The following NMNAT2 variants were observed in gnomAD, a reference collection of about 807,000 sequenced individuals.
The protein encoded by NMNAT2 is nicotinamide/nicotinic acid mononucleotide adenylyltransferase 2.
Under a neutral mutation model 41.6 loss-of-function variants are expected in NMNAT2, and 11 were observed. That is an observed-to-expected ratio of 0.26 (90% CI 0.17 to 0.44). The LOEUF is 0.44. NMNAT2 is among the 20% of genes least tolerant of loss of function. NMNAT2 has a pLI of 1.00. For missense variants in NMNAT2, 288 were observed against 407.7 expected, an observed-to-expected ratio of 0.71 and a Z score of 2.53; for synonymous variants, 148 against 151.2, an observed-to-expected ratio of 0.98 and a Z score of 0.16.
intron 4 of NMNAT2, among the ~76,000 whole-genome samples, chr1:183,288,641 T>C (rs965554184): frequency 2.0e-5 from 3 of 152,222 alleles, no homozygotes; most frequent in African/African-American, 7.2e-5. Context: ...CCCTTTCCTC[T>C]CTTCTGTCAT....
chr1:183,252,514 T>G lies in NMNAT2; in HGVS notation c.*127A>C. ...GGTTCTCTGCAGGTCCCCCACACTA[T>G]GGGGGGTTAAGTCAGCAAGTAGGGA... is the stretch of plus-strand genomic sequence containing the variant. On this transcript the variant is annotated 3_prime_UTR_variant, in exon 11 of 11. Transcript: ENST00000287713. The G allele has an allele frequency of 1.4e-6, 1 of 695,150 alleles. No individual in the cohort carries two copies. The allele number at this position is 695,150 out of a possible 1,614,324, so 43.1% of individuals were successfully genotyped here. A position where few individuals can be genotyped will look rare whatever the true frequency, so the allele number is the denominator to read the frequency against.
intron 8 of NMNAT2, among the ~76,000 whole-genome samples, chr1:183,266,424 G>A (rs575130316): frequency 5.3e-5 from 8 of 152,170 alleles, no homozygotes; most frequent in South Asian, 4.2e-4. Context: ...TCCCTTGTGC[G>A]CTCCCACCCC....
chr1:183,397,919 A>G (rs964674520), intron 1 of NMNAT2, among the ~76,000 whole-genome samples: 21 of 152,348 alleles, frequency 1.4e-4, no homozygotes, highest in South Asian at 1.0e-3. Context: ...AGCACTAAAC[A>G]TGGAAAGGAA....
chr1:183,323,433 C>T (rs1463282818), intron 1 of NMNAT2, among the ~76,000 whole-genome samples: 1 of 152,170 alleles, frequency 6.6e-6, no homozygotes, highest in African/African-American at 2.4e-5. Context: ...CTGCCACCAC[C>T]ATACTTCAAG....
intron 1 of NMNAT2, among the ~76,000 whole-genome samples, chr1:183,297,465 C>T (rs1327165801): frequency 3.3e-5 from 5 of 151,468 alleles, no homozygotes. Context: ...TCAGCGCAAC[C>T]TCTGCCTCCC....
intron 8 of NMNAT2, 44 bp downstream of exon 8, chr1:183,278,509 C>G (rs201518669): frequency 1.8e-5 from 25 of 1,393,846 alleles, no homozygotes; most frequent in Non-Finnish European, 2.4e-5. Context: ...CTTCCCATCC[C>G]TCCCAGTCCC....
chr1:183,411,143 T>C (rs2492287), intron 1 of NMNAT2, among the ~76,000 whole-genome samples: 1 of 152,134 alleles, frequency 6.6e-6, no homozygotes, highest in African/African-American at 2.4e-5. Context: ...GTTCCCACTT[T>C]ACCTCATTCT....
At chr1:183,288,067 C>A (rs1359190959) in intron 4 of NMNAT2, among the ~76,000 whole-genome samples, 3 of 152,194 alleles carry the variant, frequency 2.0e-5, no homozygotes, top group African/African-American at 7.2e-5. Flanking sequence ...GGATGGTCTG[C>A]CTCCATTTAT....
At chr1:183,304,928 T>C in intron 1 of NMNAT2, 1 of 1,362,060 alleles carries the variant, frequency 7.3e-7, no homozygotes, top group Non-Finnish European at 9.7e-7. Flanking sequence ...TCCATAACTG[T>C]CACTTCTGCC....
At chr1:183,291,408 G>A (rs2102308217) in intron 3 of NMNAT2, among the ~76,000 whole-genome samples, 1 of 152,286 alleles carries the variant, frequency 6.6e-6, no homozygotes, top group East Asian at 1.9e-4. Context: ...TGCCCTGGGA[G>A]CGCACCTGTG....
intron 1 of NMNAT2, among the ~76,000 whole-genome samples, chr1:183,302,268 A>G (rs1315472672): frequency 6.6e-6 from 1 of 152,180 alleles, no homozygotes; most frequent in African/African-American, 2.4e-5. Context: ...CAGGTTTTTG[A>G]TGCGGGCCAC....
At position 183,418,287 on chromosome 1, in the gene NMNAT2, CGGT is replaced by C. The variant is rs752194928; in HGVS notation, c.-23_-21del. 2 of 1,612,020 alleles carry C rather than the reference CGGT, an allele frequency of 1.2e-6. No homozygotes were observed. Among genetic ancestry groups the C allele is most frequent in the East Asian group, 4.5e-5 (2 of 44,836 alleles). The stretch of plus-strand genomic sequence containing the variant: ...GGTCATGGTGCAGATGGGTCCTTCG[CGGT>C]GGTCTAGGGGTTGCCTCTCTTTTTG... On this transcript the variant is annotated 5_prime_UTR_variant, in exon 1 of 11. Transcript: ENST00000287713.
At position 183,290,128 on chromosome 1, in the gene NMNAT2, C is replaced by A; in HGVS notation, c.321G>T (p.Lys107Asn). The A allele has an allele frequency of 1.3e-6, 2 of 1,573,976 alleles. No individual in the cohort carries two copies. The highest frequency in any genetic ancestry group is 1.7e-6 in the Non-Finnish European group (2 of 1,158,412). Residue 107 changes from lysine to asparagine, a missense_variant and splice_region_variant, in exon 4 of 11, where the codon AAG becomes AAT. Coordinates refer to ENST00000287713, the MANE Select transcript of NMNAT2 (RefSeq NM_015039.4). ...CATCCCCAGGCTTGGCCCAGCTCACCTTCATGAGGTCCCGGTGGTGTTCCA... is the reference window on the plus strand; with the variant it reads ...CATCCCCAGGCTTGGCCCAGCTCACATTCATGAGGTCCCGGTGGTGTTCCA... ...SVLEHHRDLM[K>N]RVTGCILSNV...
At chr1:183,263,029 A>G (rs1341277588) in intron 8 of NMNAT2, among the ~76,000 whole-genome samples, 1 of 152,194 alleles carries the variant, frequency 6.6e-6, no homozygotes, top group African/African-American at 2.4e-5. Flanking sequence ...TCCATTTCTA[A>G]GCCTGATTTA....
intron 1 of NMNAT2, among the ~76,000 whole-genome samples, chr1:183,312,864 G>C (rs1418138546): frequency 6.6e-6 from 1 of 152,192 alleles, no homozygotes; most frequent in Non-Finnish European, 1.5e-5. Flanking sequence ...TCCATGCATG[G>C]ACAGGTTCAA....
At chr1:183,375,078 G>T (rs1245648334) in intron 1 of NMNAT2, among the ~76,000 whole-genome samples, 1 of 152,130 alleles carries the variant, frequency 6.6e-6, no homozygotes, top group Non-Finnish European at 1.5e-5. Context: ...GGGCAGGAAG[G>T]CCTCTTAGGA....
At chr1:183,305,914 G>A (rs1237171713) in intron 1 of NMNAT2, among the ~76,000 whole-genome samples, 1 of 152,058 alleles carries the variant, frequency 6.6e-6, no homozygotes, top group Non-Finnish European at 1.5e-5. Flanking sequence ...TAGAGATGGG[G>A]TTTCACCATG....
chr1:183,392,845 A>G (rs1391695460), intron 1 of NMNAT2, among the ~76,000 whole-genome samples: 1 of 152,152 alleles, frequency 6.6e-6, no homozygotes, highest in African/African-American at 2.4e-5. Context: ...ACCTTTTGCA[A>G]TTGCAATCCC....
intron 1 of NMNAT2, among the ~76,000 whole-genome samples, chr1:183,359,929 C>T (rs1051765028): frequency 1.3e-5 from 2 of 152,108 alleles, no homozygotes; most frequent in African/African-American, 4.8e-5. Context: ...CTTCTTGGGT[C>T]CTTGATGTTG....
Sources: gnomAD v4.1 joint callset for allele counts (sites outside exome capture counted in the v4.1 genomes callset) on GRCh38, gnomAD v4.1.1 for gene constraint, MANE v1.5 for transcripts, NCBI Gene and HGNC (gene_info 2026-07-23, HGNC 2026-07-21) for gene names.